Variants in A2M observed in about 807,000 individuals in gnomAD.
The protein encoded by A2M is alpha-2-macroglobulin.
A2M carries 128 observed loss-of-function variants against 183.9 expected under a neutral mutation model. That is an observed-to-expected ratio of 0.70 (90% confidence interval 0.60 to 0.81). The LOEUF (loss-of-function observed/expected upper bound fraction) is 0.81. A2M is among the 30% of genes least tolerant of loss of function. The pLI, the probability that A2M is intolerant of heterozygous loss-of-function variation, is 0.00. For missense variants in A2M, 1,495 were observed against 1,787.6 expected, an observed-to-expected ratio of 0.84 and a Z score of 2.95; for synonymous variants, 592 against 670.8, an observed-to-expected ratio of 0.88 and a Z score of 1.81.
At chr12:9,091,821 T>C (rs1371228954) in intron 18 of A2M, among the ~76,000 whole-genome samples, 1 of 152,194 alleles carries the variant, frequency 6.6e-6, no homozygotes, top group Non-Finnish European at 1.5e-5. Flanking sequence ...GAGGGATCTC[T>C]TACAGGCAAT....
Position 9,112,513 on chromosome 12 carries a change from C to T in A2M, c.294G>A (p.Glu98=), listed in dbSNP as rs780043693. Residue 98 remains glutamate, a synonymous_variant, in exon 3 of 36, where the codon GAG becomes GAA. Coordinates refer to ENST00000318602, the MANE Select transcript of A2M (RefSeq NM_000014.6). The stretch of plus-strand genomic sequence containing the variant: ...CTTGGACAGTGAGGAACATTACCTC[C>T]TCATTGGATGAAGACTTTGGGACCT... ...AFAVPKSSSN[E]EVMFLTVQVK... is the part of the protein sequence containing the mutation. The T allele has an allele frequency of 6.2e-7, 1 of 1,613,718 alleles. No individual in the cohort carries two copies. The highest frequency in any genetic ancestry group is 8.5e-7 in the Non-Finnish European group (1 of 1,179,766).
At chr12:9,101,395 C>T (rs1937832352) in intron 12 of A2M, 52 bp downstream of exon 12, 14 of 1,480,292 alleles carry the variant, frequency 9.5e-6, no homozygotes, top group Non-Finnish European at 1.3e-5. Flanking sequence ...TTACTTGCTC[C>T]ACAGAGAGCT....
chr12:9,076,813 T>C lies in A2M; in HGVS notation c.3475A>G (p.Asn1159Asp), dbSNP rs760813759. The change falls in exon 28 of 36, where the codon AAC becomes GAC. Residue 1159 changes from asparagine to aspartate, a missense_variant. Physicochemically the swap from Asn to Asp is conservative, Grantham distance 23 (BLOSUM62 1). Transcript: ENST00000318602. ...AGTACTTCCTTCCTCTTGTCCTGGT[T>C]ACCTGCCAGGGCAAAAGCATAGGCC... ...LLAYAFALAGNQDKRKEVLKS... is the reference protein window; with the variant it reads ...LLAYAFALAGDQDKRKEVLKS... 6.2e-7 allele frequency: 1 copy of C among 1,614,018 alleles called. No individual in the cohort carries two copies.
At position 9,113,486 on chromosome 12, in the gene A2M, A is replaced by G. The variant is rs1938902413; in HGVS notation, c.144T>C (p.Cys48=). ...TCTCATTCAGGTAGCTCAGAAGGAC[A>G]CAGCCCTTCTCAGTGGTCTCAGTGT... ...LLHTETTEKG[C]VLLSYLNETV... The change falls in exon 2 of 36, where the codon TGT becomes TGC. Residue 48 remains cysteine (C), a synonymous_variant. Transcript: ENST00000318602. The G allele has an allele frequency of 6.2e-7, 1 of 1,613,900 alleles. No individual in the cohort carries two copies. Among genetic ancestry groups the G allele is most frequent in the South Asian group, 1.1e-5 (1 of 91,036 alleles).
chr12:9,098,377 T>G, intron 15 of A2M: 1 of 243,324 alleles, frequency 4.1e-6, no homozygotes, highest in Non-Finnish European at 7.4e-6. Flanking sequence ...AATTCTTTTA[T>G]TTGATTCAAT....
chr12:9,097,678 G>T (rs1240112226), intron 15 of A2M, among the ~76,000 whole-genome samples: 2 of 141,698 alleles, frequency 1.4e-5, no homozygotes, highest in African/African-American at 5.4e-5. Flanking sequence ...CTATTGCCCA[G>T]GCTGGAGTGC....
intron 7 of A2M, among the ~76,000 whole-genome samples, chr12:9,108,423 G>A (rs138135772): frequency 6.6e-6 from 1 of 152,312 alleles, no homozygotes; most frequent in East Asian, 1.9e-4. Flanking sequence ...ACCACGCCGG[G>A]CCTGTTTACT....
At position 9,101,179 on chromosome 12, in the gene A2M, G is replaced by C; in HGVS notation, c.1523C>G (p.Thr508Ser). ...CTTCACAAGCAGTCCATGAGTCCCA[G>C]TTCGGACAATGCCTCCCTTTGCCAT... Reference protein sequence around the residue: ...LIMAKGGIVRTGTHGLLVKQE... With the variant: ...LIMAKGGIVRSGTHGLLVKQE... Residue 508 changes from threonine to serine, a missense_variant, in exon 13 of 36, where the codon ACT (threonine) becomes AGT (serine). Thr to Ser is a moderately conservative substitution (Grantham distance 58). Transcript: ENST00000318602. The C allele has an allele frequency of 1.3e-6, 2 of 1,561,732 alleles. No individual in the cohort carries two copies. The highest frequency in any genetic ancestry group is 2.4e-5 in the East Asian group (1 of 42,070).
chr12:9,089,812 AG>A, intron 21 of A2M, 89 bp downstream of exon 21: 1 of 902,100 alleles, frequency 1.1e-6, no homozygotes, highest in Non-Finnish European at 1.5e-6. Context: ...GAGATACATG[AG>A]AATAATATTA....
At chr12:9,111,950 G>A (rs1248603093) in intron 4 of A2M, 7 of 728,876 alleles carry the variant, frequency 9.6e-6, no homozygotes, top group Non-Finnish European at 1.5e-5. Flanking sequence ...TGTGACAACT[G>A]ACTGAGTACC....
intron 27 of A2M, among the ~76,000 whole-genome samples, 198 bp downstream of exon 27, chr12:9,077,148 T>C (rs1322703732): frequency 1.3e-5 from 2 of 152,236 alleles, no homozygotes; most frequent in Non-Finnish European, 2.9e-5. Context: ...TGGTGGTAAA[T>C]AGCCTAGGGG....
rs781248174 is a variant in A2M, at chr12:9,109,923, A to G, written c.617T>C (p.Val206Ala). ...SEPFQGSYKV[V>A]VQKKSGGRTE... ...CCTTCCACCTGATTTCTTCTGTACCACCACCTTGTAGGAGCCCTGGAAGGG... is the reference window on the plus strand; with the variant it reads ...CCTTCCACCTGATTTCTTCTGTACCGCCACCTTGTAGGAGCCCTGGAAGGG... The change falls in exon 6 of 36, where the codon GTG (valine) becomes GCG (alanine). Residue 206 changes from valine to alanine, a missense_variant. Coordinates refer to ENST00000318602, the MANE Select transcript of A2M (RefSeq NM_000014.6). 1 of 1,613,820 alleles carries G rather than the reference A, an allele frequency of 6.2e-7. No homozygotes were observed. The highest frequency in any genetic ancestry group is 1.7e-5 in the Admixed American group (1 of 60,002).
intron 7 of A2M, 30 bp from the exon 8 acceptor site, chr12:9,107,674 G>A (rs773213963): frequency 6.2e-7 from 1 of 1,610,126 alleles, no homozygotes. Context: ...AAAGGAATCA[G>A]AGCAGACACT....
rs765815547 is a variant in A2M at position 9,076,837 on chromosome 12, C to A, written c.3451G>T (p.Ala1151Ser). The change falls in exon 28 of 36, where the codon GCC becomes TCC. Residue 1151 changes from alanine (A) to serine (S), a missense_variant. Coordinates refer to ENST00000318602, the MANE Select transcript of A2M (RefSeq NM_000014.6). The stretch of plus-strand genomic sequence containing the variant: ...TTACCTGCCAGGGCAAAAGCATAGG[C>A]CAGCAGTGCTTTGGTATATACATGG... ...GSHVYTKALL[A>S]YAFALAGNQD... 1 of 1,614,024 alleles carries A rather than the reference C, an allele frequency of 6.2e-7. No homozygotes were observed. The highest frequency in any genetic ancestry group is 1.7e-5 in the Admixed American group (1 of 60,008).
rs1298737107 is a variant in A2M, at chr12:9,113,511, T to C, written c.119A>G (p.His40Arg). 1 of 1,613,902 alleles carries C rather than the reference T, an allele frequency of 6.2e-7. No individual in the cohort carries two copies. The highest frequency in any genetic ancestry group is 1.7e-4 in the Middle Eastern group (1 of 6,060). The part of the protein sequence containing the change: ...QYMVLVPSLL[H>R]TETTEKGCVL... Reference sequence around the variant, plus strand: ...ACAGCCCTTCTCAGTGGTCTCAGTGTGGAGCAGGGAGGGGACCAGAACCAT... The same window carrying C: ...ACAGCCCTTCTCAGTGGTCTCAGTGCGGAGCAGGGAGGGGACCAGAACCAT... Residue 40 changes from histidine to arginine, a missense_variant, in exon 2 of 36, where the codon CAC becomes CGC. Physicochemically the swap from His to Arg is conservative, Grantham distance 29. Transcript: ENST00000318602.
intron 11 of A2M, among the ~76,000 whole-genome samples, chr12:9,103,961 T>C (rs968482398): frequency 3.5e-4 from 53 of 152,360 alleles, no homozygotes; most frequent in African/African-American, 1.2e-3. Context: ...TTGGTAATTC[T>C]ATTTTTTAAT....
At chr12:9,090,108 C>A in intron 20 of A2M, 85 bp from the exon 21 acceptor site, 1 of 1,532,934 alleles carries the variant, frequency 6.5e-7, no homozygotes, top group East Asian at 2.3e-5. Flanking sequence ...GTTCAATGCT[C>A]TGTAAACTTT....
At chr12:9,070,306 A>ACC in intron 32 of A2M, among the ~76,000 whole-genome samples, 182 bp downstream of exon 32, 1 of 152,202 alleles carries the variant, frequency 6.6e-6, no homozygotes, top group East Asian at 1.9e-4. Flanking sequence ...GGGTCCTAGC[A>ACC]CAGTGCTCTG....
In A2M at chr12:9,095,561, T is replaced by C. The variant is rs766265446; in HGVS notation, c.1991A>G (p.Lys664Arg). 1.8e-5 allele frequency: 29 copies of C among 1,611,960 alleles called. No individual in the cohort carries two copies. Among genetic ancestry groups the C allele is most frequent in the Non-Finnish European group, 2.5e-5 (29 of 1,178,480 alleles). The change falls in exon 16 of 36, where the codon AAG becomes AGG. Residue 664 changes from lysine (K) to arginine (R), a missense_variant. Coordinates refer to ENST00000318602, the MANE Select transcript of A2M (RefSeq NM_000014.6). ...TYTPVSSTNE[K>R]DMYSFLEDMG... Reference sequence around the variant, plus strand: ...TACCTCTAGGAAGCTGTACATATCCTTTTCATTTGTACTTGATACTGGAGT... The same window carrying C: ...TACCTCTAGGAAGCTGTACATATCCCTTTCATTTGTACTTGATACTGGAGT...
Sources: gnomAD v4.1 joint callset for allele counts (sites outside exome capture counted in the v4.1 genomes callset) on GRCh38, gnomAD v4.1.1 for gene constraint, MANE v1.5 for transcripts, NCBI Gene and HGNC (gene_info 2026-07-23, HGNC 2026-07-21) for gene names.